Variants in MAST4 observed in about 807,000 individuals in gnomAD.
MAST4 encodes the protein microtubule-associated serine/threonine-protein kinase 4.
Under a neutral mutation model 162.7 loss-of-function variants are expected in MAST4, and 89 were observed. The observed-to-expected ratio is 0.55, with a 90% CI of 0.46 to 0.65. The LOEUF (loss-of-function observed/expected upper bound fraction) is 0.65, where lower values mean the gene tolerates loss of function less well. Among genes scored for constraint, MAST4 ranks in the 30% least tolerant of loss-of-function variants. The pLI, the probability that MAST4 is intolerant of heterozygous loss-of-function variation, is 0.00. For synonymous variants in MAST4, 1,479 were observed against 1,361.1 expected (o/e 1.09, Z -1.91); for missense variants, 3,153 against 3,374.0 (o/e 0.93, Z 1.62).
chr5:66,901,354 A>G (rs1423015190), intron 4 of MAST4, among the ~76,000 whole-genome samples: 2 of 152,038 alleles, frequency 1.3e-5, no homozygotes, highest in Non-Finnish European at 2.9e-5. Flanking sequence ...AATATTATAA[A>G]GATTATGTTA....
chr5:67,043,796 C>A (rs777001628), intron 4 of MAST4, among the ~76,000 whole-genome samples: 4 of 152,160 alleles, frequency 2.6e-5, no homozygotes, highest in African/African-American at 9.7e-5. Context: ...GTTTAGAAAA[C>A]CATTAATTTG....
intron 21 of MAST4, 42 bp from the exon 22 acceptor site, chr5:67,144,627 T>G: frequency 3.1e-6 from 5 of 1,599,944 alleles, no homozygotes; most frequent in Non-Finnish European, 4.3e-6. Flanking sequence ...TGACAAACTC[T>G]TTTTAGTAGA....
chr5:67,081,494 GA>G (rs532652723), intron 5 of MAST4, among the ~76,000 whole-genome samples: 2,940 of 150,044 alleles, frequency 0.02, 105 homozygotes, highest in African/African-American at 0.068. Flanking sequence ...ATAGGGAAGT[GA>G]AAAAAAAATA....
intron 1 of MAST4, among the ~76,000 whole-genome samples, chr5:66,699,767 G>A (rs575710277): frequency 3.9e-5 from 6 of 152,028 alleles, no homozygotes; most frequent in African/African-American, 4.8e-5. Context: ...TTGGTGGGGC[G>A]GGGGGGAAGG....
intron 1 of MAST4, among the ~76,000 whole-genome samples, chr5:66,754,399 A>G (rs1580372420): frequency 6.6e-6 from 1 of 152,212 alleles, no homozygotes; most frequent in African/African-American, 2.4e-5. Flanking sequence ...GCCATAACCT[A>G]AGGGTCTTTT....
Position 66,986,416 on chromosome 5 carries a change from C to T in MAST4, c.675-67988C>T, listed in dbSNP as rs569338444. 102 of 1,455,532 alleles carry T rather than the reference C, an allele frequency of 7.0e-5. No homozygotes were observed. The African/African-American group carries it at 1.2e-3, about 17-fold the overall frequency. The allele number at this position is 1,455,532 out of a possible 1,614,324, so 90.2% of individuals were successfully genotyped here. ...AAATCTGTAAATGTGCATCATATCA[C>T]TCTGTCTTTTTCTCTGTTTATTTTT... On this transcript the variant is annotated intron_variant, in intron 4 of 28. Transcript: ENST00000403625.
intron 1 of MAST4, among the ~76,000 whole-genome samples, chr5:66,717,981 T>C (rs1179952049): frequency 1.3e-5 from 2 of 152,138 alleles, no homozygotes; most frequent in Non-Finnish European, 2.9e-5. Flanking sequence ...CCTCCATCCC[T>C]GAGTTCTCAC....
chr5:67,133,345 A>G, intron 16 of MAST4, among the ~76,000 whole-genome samples, 169 bp from the exon 17 acceptor site: 1 of 152,260 alleles, frequency 6.6e-6, no homozygotes, highest in Non-Finnish European at 1.5e-5. Context: ...GCTAGATGGA[A>G]GTATTTGACA....
At chr5:67,099,755 C>T (rs1478842237) in intron 7 of MAST4, among the ~76,000 whole-genome samples, 2 of 151,214 alleles carry the variant, frequency 1.3e-5, no homozygotes, top group Admixed American at 6.6e-5. Flanking sequence ...TGTTGAATGA[C>T]GATTTTCAAA....
chr5:66,729,446 T>C (rs891826690), intron 1 of MAST4, among the ~76,000 whole-genome samples: 9 of 152,240 alleles, frequency 5.9e-5, no homozygotes, highest in African/African-American at 2.2e-4. Flanking sequence ...GTTTTGCTTC[T>C]GTTCAGCAGT....
At chr5:66,704,230 A>G (rs533418699) in intron 1 of MAST4, among the ~76,000 whole-genome samples, 7 of 152,312 alleles carry the variant, frequency 4.6e-5, no homozygotes, top group African/African-American at 1.4e-4. Flanking sequence ...TCATTTGTTC[A>G]TCAGAAAAAT....
intron 3 of MAST4, among the ~76,000 whole-genome samples, chr5:66,882,411 T>C (rs1761749864): frequency 6.6e-6 from 1 of 152,222 alleles, no homozygotes; most frequent in Non-Finnish European, 1.5e-5. Context: ...AGGCGTTCTT[T>C]ATATTTTTGT....
intron 2 of MAST4, among the ~76,000 whole-genome samples, chr5:66,768,860 T>A (rs537754395): frequency 2.5e-4 from 38 of 152,298 alleles, no homozygotes; most frequent in African/African-American, 7.7e-4. Context: ...GAGATAATTT[T>A]AAAAATTATA....
At chr5:66,865,675 T>TC (rs1205447046) in intron 3 of MAST4, among the ~76,000 whole-genome samples, 1 of 152,154 alleles carries the variant, frequency 6.6e-6, no homozygotes, top group Non-Finnish European at 1.5e-5. Flanking sequence ...TATAATGAGC[T>TC]CCCTAGCCCT....
chr5:67,103,676 T>C (rs1765279582), intron 9 of MAST4, among the ~76,000 whole-genome samples: 1 of 152,240 alleles, frequency 6.6e-6, no homozygotes, highest in East Asian at 1.9e-4. Context: ...TTACATAGGA[T>C]GTAGCTTTGT....
chr5:66,804,571 C>A (rs149602760), intron 3 of MAST4, among the ~76,000 whole-genome samples: 3 of 152,190 alleles, frequency 2.0e-5, no homozygotes, highest in African/African-American at 4.8e-5. Flanking sequence ...TGCCCACTGG[C>A]CAAAGTAAGC....
Position 66,728,268 on chromosome 5 carries a change from T to C in MAST4, c.364-31441T>C, listed in dbSNP as rs558189922. On this transcript the variant is annotated intron_variant, in intron 1 of 28. Transcript: ENST00000403625. ...GAATGAGCTAAAATTAAAGTTCTTC[T>C]GTTGGTGTGTGCTGAAATTTTTAAC... Among the ~76,000 whole-genome samples, 4 of 152,314 alleles carry C rather than the reference T, an allele frequency of 2.6e-5. No homozygotes were observed. In the East Asian group the frequency reaches 7.7e-4, roughly 29 times the overall value.
intron 10 of MAST4, 131 bp from the exon 11 acceptor site, chr5:67,109,967 T>G: frequency 1.6e-6 from 1 of 637,846 alleles, no homozygotes; most frequent in East Asian, 2.8e-5. Flanking sequence ...TTTATCAATC[T>G]TTTAATAGCA....
rs1772217277 is a variant in MAST4 at position 67,154,285 on chromosome 5, A to G, written c.3648+705A>G. 2.6e-5 allele frequency among the ~76,000 whole-genome samples: 4 copies of G among 152,296 alleles called. No homozygotes were observed. The South Asian group carries it at 8.3e-4, about 32-fold the overall frequency. On this transcript the variant is annotated intron_variant, in intron 26 of 28. Coordinates refer to ENST00000403625, the MANE Select transcript of MAST4 (RefSeq NM_001164664.2). ...ATTTGATTTGTCTTTTTCATTCTTT[A>G]TAGCAGCGTTGTATTTTATGCAGAA...
Sources: gnomAD v4.1 joint callset for allele counts (sites outside exome capture counted in the v4.1 genomes callset) on GRCh38, gnomAD v4.1.1 for gene constraint, MANE v1.5 for transcripts, NCBI Gene and HGNC (gene_info 2026-07-23, HGNC 2026-07-21) for gene names.